UNC13C: variants seen among roughly 807,000 people sequenced by gnomAD.
UNC13C encodes the protein unc-13 homolog C.
UNC13C carries 174 observed loss-of-function variants against 245.4 expected under a neutral mutation model. That is an observed-to-expected ratio of 0.71 (90% CI 0.63 to 0.80). The LOEUF is 0.80. Among genes scored for constraint, UNC13C ranks in the 30% least tolerant of loss-of-function variants. The pLI, the probability that UNC13C is intolerant of heterozygous loss-of-function variation, is 0.00. For synonymous variants in UNC13C, 992 were observed against 895.1 expected (o/e 1.11, Z -1.93); for missense variants, 2,829 against 2,602.9 (o/e 1.09, Z -1.89).
the UNC13C span, among the ~76,000 whole-genome samples, chr15:53,840,617 C>G: frequency 7.2e-5 from 11 of 152,108 alleles, no homozygotes; most frequent in Non-Finnish European, 1.6e-4. Context: ...AACACTATCT[C>G]CTTTTGCCTT....
intron 2 of UNC13C, among the ~76,000 whole-genome samples, chr15:54,118,803 G>C (rs1481978320): frequency 6.6e-6 from 1 of 151,652 alleles, no homozygotes; most frequent in Non-Finnish European, 1.5e-5. Flanking sequence ...ATTATTTTGA[G>C]GTATGTTTTT....
At chr15:54,342,715 ACT>A (rs1299965993) in intron 17 of UNC13C, among the ~76,000 whole-genome samples, 4 of 151,898 alleles carry the variant, frequency 2.6e-5, no homozygotes, top group Non-Finnish European at 5.9e-5. Flanking sequence ...GGCAAGTAAG[ACT>A]CTTCCAAACT....
intron 2 of UNC13C, among the ~76,000 whole-genome samples, chr15:54,136,747 T>TA (rs1215928424): frequency 2.0e-5 from 3 of 152,228 alleles, no homozygotes; most frequent in Non-Finnish European, 2.9e-5. Flanking sequence ...TAAGAGTTTT[T>TA]ATCATGAAAA....
At chr15:54,268,290 C>T (rs1038040304) in intron 10 of UNC13C, among the ~76,000 whole-genome samples, 19 of 151,978 alleles carry the variant, frequency 1.3e-4, no homozygotes, top group Non-Finnish European at 2.6e-4. Flanking sequence ...CTTTTCCATC[C>T]TAGGAAATCC....
At chr15:54,603,611 C>T (rs1401546471) in intron 30 of UNC13C, among the ~76,000 whole-genome samples, 2 of 152,130 alleles carry the variant, frequency 1.3e-5, no homozygotes, top group African/African-American at 4.8e-5. Context: ...CCTGTAATCC[C>T]AACACTTTAG....
chr15:54,096,339 G>GA (rs5812740), intron 2 of UNC13C, among the ~76,000 whole-genome samples: 108,077 of 150,970 alleles, frequency 0.72, 39,151 homozygotes, highest in African/African-American at 0.83. Flanking sequence ...TCTCTATTTG[G>GA]AAAAAAAAAG....
chr15:53,971,034 G>A, the UNC13C span, among the ~76,000 whole-genome samples: 1 of 152,074 alleles, frequency 6.6e-6, no homozygotes, highest in African/African-American at 2.4e-5. Flanking sequence ...CTCTTTGTGT[G>A]TGTTTTATAA....
At chr15:54,302,310 CAATTTTGGCT>C (rs1382379081) in intron 13 of UNC13C, among the ~76,000 whole-genome samples, 3 of 152,090 alleles carry the variant, frequency 2.0e-5, no homozygotes, top group African/African-American at 4.8e-5. Context: ...TCCCATTTGT[CAATTTTGGCT>C]TTTGTTGCCA....
chr15:54,139,843 C>A (rs1414367541), intron 2 of UNC13C, among the ~76,000 whole-genome samples: 1 of 151,944 alleles, frequency 6.6e-6, no homozygotes, highest in Non-Finnish European at 1.5e-5. Flanking sequence ...ATATTTAAAT[C>A]TTTAATGTAT....
chr15:54,221,744 A>C (rs1348530521), intron 4 of UNC13C, among the ~76,000 whole-genome samples: 4 of 152,054 alleles, frequency 2.6e-5, no homozygotes, highest in Admixed American at 2.6e-4. Flanking sequence ...GCATTTTCTC[A>C]GACCCACAGT....
chr15:54,397,753 A>G (rs188134811), intron 18 of UNC13C, among the ~76,000 whole-genome samples: 3 of 151,474 alleles, frequency 2.0e-5, no homozygotes, highest in Admixed American at 2.0e-4. Context: ...TATTTTTATT[A>G]CTATCTTAAA....
At chr15:54,228,936 G>A (rs977350779) in intron 4 of UNC13C, among the ~76,000 whole-genome samples, 1 of 152,150 alleles carries the variant, frequency 6.6e-6, no homozygotes, top group Non-Finnish European at 1.5e-5. Context: ...TTCAGTCCTT[G>A]TACCTAGACT....
chr15:54,605,176 C>T (rs1899698210), intron 30 of UNC13C, among the ~76,000 whole-genome samples: 1 of 152,102 alleles, frequency 6.6e-6, no homozygotes, highest in Non-Finnish European at 1.5e-5. Flanking sequence ...ACAGTGGCCC[C>T]AGGGGAGGGT....
the UNC13C span, among the ~76,000 whole-genome samples, chr15:53,964,637 C>T: frequency 7.7e-3 from 1,165 of 152,192 alleles, 17 homozygotes; most frequent in African/African-American, 0.027. Flanking sequence ...TTTAAATACA[C>T]ATCTAAATAA....
the UNC13C span, among the ~76,000 whole-genome samples, chr15:53,940,835 C>T: frequency 6.6e-6 from 1 of 152,186 alleles, no homozygotes; most frequent in East Asian, 1.9e-4. Context: ...AATGGAAAAA[C>T]ATTCCATGCT....
At chr15:54,424,831 T>C (rs778319116) in intron 19 of UNC13C, among the ~76,000 whole-genome samples, 5 of 151,840 alleles carry the variant, frequency 3.3e-5, no homozygotes, top group Non-Finnish European at 7.4e-5. Flanking sequence ...GGAGCACATC[T>C]TGGAGAGAAA....
chr15:54,282,827 G>A (rs776974580), intron 10 of UNC13C, among the ~76,000 whole-genome samples: 4 of 152,192 alleles, frequency 2.6e-5, no homozygotes, highest in Non-Finnish European at 5.9e-5. Flanking sequence ...AGGGGAGCTA[G>A]AGAGGGGACA....
the UNC13C span, among the ~76,000 whole-genome samples, chr15:53,964,525 C>A: frequency 6.6e-6 from 1 of 152,076 alleles, no homozygotes; most frequent in South Asian, 2.1e-4. Flanking sequence ...ATGTAATATA[C>A]CTCTATAAGG....
chr15:54,511,018 C>T (rs1384254025), intron 23 of UNC13C, among the ~76,000 whole-genome samples: 2 of 152,076 alleles, frequency 1.3e-5, no homozygotes, highest in Non-Finnish European at 2.9e-5. Context: ...ATTTTCTAAG[C>T]ATGTATTATA....
Sources: gnomAD v4.1 joint callset for allele counts (sites outside exome capture counted in the v4.1 genomes callset) on GRCh38, gnomAD v4.1.1 for gene constraint, MANE v1.5 for transcripts, NCBI Gene and HGNC (gene_info 2026-07-23, HGNC 2026-07-21) for gene names.